SLC25A12: variants seen among roughly 807,000 people sequenced by gnomAD.
SLC25A12 encodes electrogenic aspartate/glutamate antiporter SLC25A12, mitochondrial.
Under a neutral mutation model 83.3 loss-of-function variants are expected in SLC25A12, and 32 were observed. The ratio of observed to expected loss-of-function variants is 0.38; its 90% CI spans 0.29 to 0.52. The LOEUF (loss-of-function observed/expected upper bound fraction) is 0.52. SLC25A12 is among the 20% of genes least tolerant of loss of function. The probability of loss-of-function intolerance (pLI) is 0.84; values close to 1 mark genes in which losing one functional copy is unlikely to be tolerated. For missense variants in SLC25A12, 611 were observed against 835.6 expected (o/e 0.73, Z 3.31); for synonymous variants, 267 against 291.1 (o/e 0.92, Z 0.84).
chr2:171,822,436 T>G (rs529886798), intron 9 of SLC25A12, among the ~76,000 whole-genome samples: 24 of 152,294 alleles, frequency 1.6e-4, no homozygotes, highest in African/African-American at 5.8e-4. Context: ...CAGGCTGGAG[T>G]GCAGTAGTGT....
At chr2:171,828,360 T>G (rs1237208729) in intron 8 of SLC25A12, among the ~76,000 whole-genome samples, 1 of 152,232 alleles carries the variant, frequency 6.6e-6, no homozygotes, top group Non-Finnish European at 1.5e-5. Flanking sequence ...TCAGTCAACT[T>G]AAGCCCTCTT....
chr2:171,866,789 A>C, intron 3 of SLC25A12, among the ~76,000 whole-genome samples: 1 of 130,826 alleles, frequency 7.6e-6, no homozygotes, highest in Non-Finnish European at 1.6e-5. Context: ...TCCCTCCCGG[A>C]CGGGGCGGCT....
intron 9 of SLC25A12, among the ~76,000 whole-genome samples, chr2:171,816,257 G>T (rs895430167): frequency 2.0e-5 from 3 of 151,314 alleles, no homozygotes; most frequent in African/African-American, 7.3e-5. Context: ...GTAGAGATGG[G>T]GTCTGTTTAT....
rs1234020625 is a variant in SLC25A12, at chr2:171,783,475, G to T, written c.*1799C>A. On this transcript the variant is annotated 3_prime_UTR_variant, in exon 18 of 18. Coordinates refer to ENST00000422440, the MANE Select transcript of SLC25A12 (RefSeq NM_003705.5). ...AAACACATTAAGTGAACAAAAGCAA[G>T]ACACAGAATAACACACACATAACAT... Among the ~76,000 whole-genome samples the T allele has an allele frequency of 6.6e-6, 1 of 152,100 alleles. No homozygotes were observed. Among genetic ancestry groups the T allele is most frequent in the Non-Finnish European group, 1.5e-5 (1 of 67,994 alleles).
chr2:171,788,044 T>A, intron 15 of SLC25A12, 97 bp from the exon 16 acceptor site: 1 of 1,251,896 alleles, frequency 8.0e-7, no homozygotes, highest in Admixed American at 1.9e-5. Context: ...TTCAACCACT[T>A]GAGCGGAACT....
intron 9 of SLC25A12, among the ~76,000 whole-genome samples, chr2:171,819,358 T>C (rs1292587193): frequency 1.2e-5 from 1 of 86,508 alleles, no homozygotes; most frequent in African/African-American, 4.0e-5. Flanking sequence ...TATATGTATT[T>C]ATATTATATA....
At chr2:171,808,383 G>C (rs189085234) in intron 13 of SLC25A12, among the ~76,000 whole-genome samples, 2 of 150,054 alleles carry the variant, frequency 1.3e-5, no homozygotes, top group East Asian at 1.9e-4. Context: ...TGAGTCTCTT[G>C]GTTCAGAATT....
At chr2:171,815,269 T>C in intron 9 of SLC25A12, 67 bp from the exon 10 acceptor site, 1 of 1,104,896 alleles carries the variant, frequency 9.1e-7, no homozygotes, top group South Asian at 1.2e-5. Flanking sequence ...AAGCTACAAT[T>C]TGACTATTTT....
chr2:171,867,718 A>G (rs1428784793), intron 3 of SLC25A12, among the ~76,000 whole-genome samples: 1 of 152,232 alleles, frequency 6.6e-6, no homozygotes, highest in Admixed American at 6.5e-5. Flanking sequence ...GAGCTACCCT[A>G]CAAGATGCTT....
chr2:171,830,117 G>T (rs1000081169), intron 8 of SLC25A12, among the ~76,000 whole-genome samples: 4 of 152,142 alleles, frequency 2.6e-5, no homozygotes, highest in Non-Finnish European at 5.9e-5. Flanking sequence ...GCAGTGTTGA[G>T]CCCTCTTTTG....
intron 2 of SLC25A12, among the ~76,000 whole-genome samples, chr2:171,885,341 T>C (rs1366668446): frequency 6.6e-6 from 1 of 151,676 alleles, no homozygotes; most frequent in Non-Finnish European, 1.5e-5. Context: ...GTTCTTTTTT[T>C]TTTTAATGAG....
intron 5 of SLC25A12, among the ~76,000 whole-genome samples, chr2:171,843,597 A>G (rs1484022347): frequency 2.6e-5 from 4 of 151,896 alleles, no homozygotes; most frequent in African/African-American, 9.7e-5. Flanking sequence ...ACACCACTGC[A>G]CTCCAGCCTG....
intron 13 of SLC25A12, among the ~76,000 whole-genome samples, chr2:171,808,551 C>T (rs971680881): frequency 6.6e-6 from 1 of 152,168 alleles, no homozygotes; most frequent in Non-Finnish European, 1.5e-5. Context: ...TTTAAAGTTC[C>T]AGTTAACATA....
At chr2:171,888,412 T>G (rs1685867249) in intron 2 of SLC25A12, among the ~76,000 whole-genome samples, 2 of 151,332 alleles carry the variant, frequency 1.3e-5, no homozygotes, top group South Asian at 4.2e-4. Flanking sequence ...ATACCAGTAC[T>G]TTCAAATAAA....
intron 4 of SLC25A12, among the ~76,000 whole-genome samples, chr2:171,845,276 G>A (rs902997502): frequency 6.6e-6 from 1 of 151,704 alleles, no homozygotes; most frequent in Non-Finnish European, 1.5e-5. Flanking sequence ...CACTAACAAC[G>A]TTATTTACAT....
chr2:171,818,248 C>G (rs573919752), intron 9 of SLC25A12, among the ~76,000 whole-genome samples: 1 of 151,646 alleles, frequency 6.6e-6, no homozygotes, highest in Admixed American at 6.6e-5. Context: ...GATTGCCTGC[C>G]GTGAGCAAAT....
chr2:171,893,259 C>T lies in SLC25A12; in HGVS notation c.13-1G>A, dbSNP rs1333019719. 1.2e-6 allele frequency: 2 copies of T among 1,613,836 alleles called. No homozygotes were observed. Among genetic ancestry groups the T allele is most frequent in the Non-Finnish European group, 1.7e-6 (2 of 1,179,860 alleles). ...GATCCCCTCGCTTAGTTGTCTGCACCTGTAAGCAAAAAAGAAAAAAAAGCC... is the reference window on the plus strand; with the variant it reads ...GATCCCCTCGCTTAGTTGTCTGCACTTGTAAGCAAAAAAGAAAAAAAAGCC... On this transcript the variant is annotated splice_acceptor_variant, in intron 1 of 17. Transcript: ENST00000422440. LOFTEE classifies it high-confidence loss of function.
chr2:171,798,146 G>A (rs749674182), intron 13 of SLC25A12, among the ~76,000 whole-genome samples: 16 of 152,028 alleles, frequency 1.1e-4, no homozygotes, highest in Non-Finnish European at 1.8e-4. Context: ...TAACAGAAAT[G>A]GAAAGAATAA....
At chr2:171,851,117 T>C (rs1397999262) in intron 4 of SLC25A12, among the ~76,000 whole-genome samples, 1 of 152,180 alleles carries the variant, frequency 6.6e-6, no homozygotes, top group African/African-American at 2.4e-5. Context: ...TTGATGTTAA[T>C]AGAGAACTCA....
Sources: allele counts gnomAD v4.1 joint callset (sites outside exome capture counted in the v4.1 genomes callset), GRCh38; gene constraint gnomAD v4.1.1; transcripts MANE v1.5; gene names NCBI Gene and HGNC (gene_info 2026-07-23, HGNC 2026-07-21).